The following MBD5 variants were observed in gnomAD, a reference collection of about 807,000 sequenced individuals.
MBD5 encodes methyl-CpG-binding domain protein 5.
A neutral mutation model predicts 117.3 loss-of-function variants in MBD5; 13 were observed. That is an observed-to-expected ratio of 0.11 (90% CI 0.07 to 0.18). The LOEUF is 0.18. MBD5 is among the 10% of genes least tolerant of loss of function. MBD5 has a pLI of 1.00. For synonymous variants in MBD5, 727 were observed against 766.4 expected (o/e 0.95, Z 0.85); for missense variants, 1,879 against 2,093.8 (o/e 0.90, Z 2.00).
intron 4 of MBD5, among the ~76,000 whole-genome samples, chr2:148,446,689 C>A (rs1024474971): frequency 6.7e-6 from 1 of 150,020 alleles, no homozygotes; most frequent in African/African-American, 2.5e-5. Flanking sequence ...ATCAGAGCAC[C>A]TATGAAATCC....
At chr2:148,077,955 A>G (rs1289952817) in intron 1 of MBD5, among the ~76,000 whole-genome samples, 2 of 152,124 alleles carry the variant, frequency 1.3e-5, no homozygotes, top group East Asian at 1.9e-4. Context: ...CAACTTTAGG[A>G]TCTACTTAAG....
At chr2:148,443,056 C>A (rs1163613487) in intron 4 of MBD5, among the ~76,000 whole-genome samples, 3 of 151,158 alleles carry the variant, frequency 2.0e-5, no homozygotes, top group Non-Finnish European at 4.4e-5. Context: ...GGAAAAAAAT[C>A]TAATAGTCTG....
intron 13 of MBD5, among the ~76,000 whole-genome samples, chr2:148,512,482 A>G (rs982112350): frequency 6.6e-6 from 1 of 152,206 alleles, no homozygotes; most frequent in African/African-American, 2.4e-5. Flanking sequence ...GTAATTATTC[A>G]TTCTTCCAGG....
intron 3 of MBD5, among the ~76,000 whole-genome samples, chr2:148,314,685 G>A (rs917198625): frequency 1.3e-5 from 2 of 152,028 alleles, no homozygotes; most frequent in African/African-American, 2.4e-5. Context: ...GGGTGGTATG[G>A]CCATAGACAA....
intron 4 of MBD5, among the ~76,000 whole-genome samples, chr2:148,426,206 T>G (rs554946530): frequency 1.3e-5 from 2 of 152,140 alleles, no homozygotes; most frequent in Admixed American, 6.6e-5. Flanking sequence ...GAATCAATAT[T>G]GTGAAAATGG....
intron 4 of MBD5, among the ~76,000 whole-genome samples, chr2:148,438,342 G>A (rs1706215862): frequency 6.6e-6 from 1 of 152,166 alleles, no homozygotes; most frequent in African/African-American, 2.4e-5. Flanking sequence ...AGTAAATGCT[G>A]TCACTTGAAA....
intron 3 of MBD5, among the ~76,000 whole-genome samples, chr2:148,239,019 T>TAC (rs10692364): frequency 0.078 from 11,651 of 149,804 alleles, 673 homozygotes; most frequent in Admixed American, 0.12. Flanking sequence ...ATATATTATA[T>TAC]ACACACACAC....
intron 4 of MBD5, among the ~76,000 whole-genome samples, chr2:148,409,047 A>C (rs183633496): frequency 5.9e-5 from 9 of 152,098 alleles, no homozygotes; most frequent in African/African-American, 2.2e-4. Flanking sequence ...TCCCCTATAG[A>C]TACTAAGGGA....
At chr2:148,186,924 A>C (rs1698675069) in intron 2 of MBD5, among the ~76,000 whole-genome samples, 1 of 152,240 alleles carries the variant, frequency 6.6e-6, no homozygotes. Context: ...AAACATTAAA[A>C]CAATGAAGAG....
chr2:148,315,887 T>A (rs529524143), intron 3 of MBD5, among the ~76,000 whole-genome samples: 3 of 152,342 alleles, frequency 2.0e-5, no homozygotes, highest in African/African-American at 7.2e-5. Context: ...CTCACATAAC[T>A]GTAAAGAACT....
intron 4 of MBD5, among the ~76,000 whole-genome samples, chr2:148,373,135 A>C (rs1180028239): frequency 3.3e-5 from 5 of 152,186 alleles, no homozygotes; most frequent in Non-Finnish European, 7.4e-5. Flanking sequence ...ATTTTAATGA[A>C]AAATTGAAAG....
intron 4 of MBD5, among the ~76,000 whole-genome samples, chr2:148,422,753 G>A (rs993073637): frequency 1.3e-5 from 2 of 152,134 alleles, no homozygotes; most frequent in Non-Finnish European, 2.9e-5. Context: ...ACCTCATGGA[G>A]CTGAAAAACA....
intron 1 of MBD5, among the ~76,000 whole-genome samples, chr2:148,085,532 G>A (rs974141935): frequency 2.0e-5 from 3 of 151,890 alleles, no homozygotes; most frequent in African/African-American, 7.2e-5. Context: ...AGACCATCCC[G>A]GCTAAAACGG....
intron 3 of MBD5, among the ~76,000 whole-genome samples, chr2:148,282,897 CCG>C (rs67591740): frequency 0.53 from 70,004 of 130,942 alleles, 18,576 homozygotes; most frequent in East Asian, 0.82. Flanking sequence ...TAAGACTTAA[CCG>C]CCCCCCCCCA....
At chr2:148,074,643 C>T (rs942889408) in intron 1 of MBD5, among the ~76,000 whole-genome samples, 4 of 151,738 alleles carry the variant, frequency 2.6e-5, no homozygotes, top group African/African-American at 9.7e-5. Context: ...GCTGGGATTA[C>T]AAGGAGCCTG....
chr2:148,324,599 G>A (rs1391654744), intron 3 of MBD5, among the ~76,000 whole-genome samples: 1 of 151,914 alleles, frequency 6.6e-6, no homozygotes, highest in African/African-American at 2.4e-5. Flanking sequence ...TGAAGCAATT[G>A]TGAATGGGAG....
intron 1 of MBD5, among the ~76,000 whole-genome samples, chr2:148,022,429 C>A (rs1230627193): frequency 6.6e-6 from 1 of 152,124 alleles, no homozygotes; most frequent in African/African-American, 2.4e-5. Flanking sequence ...CTGCTATTGT[C>A]TGTTCCCACA....
chr2:148,430,968 A>G (rs1388452794), intron 4 of MBD5, among the ~76,000 whole-genome samples: 6 of 152,132 alleles, frequency 3.9e-5, no homozygotes, highest in Non-Finnish European at 7.4e-5. Flanking sequence ...CCTAGAATAA[A>G]TTTATACTGG....
intron 1 of MBD5, among the ~76,000 whole-genome samples, chr2:148,136,161 G>A (rs1297006481): frequency 6.6e-6 from 1 of 152,108 alleles, no homozygotes. Flanking sequence ...CAAGTTAAAT[G>A]GAAAGAATTT....
Sources: allele counts gnomAD v4.1 joint callset (sites outside exome capture counted in the v4.1 genomes callset), GRCh38; gene constraint gnomAD v4.1.1; transcripts MANE v1.5; gene names NCBI Gene and HGNC (gene_info 2026-07-23, HGNC 2026-07-21).